Variants in JAK3 observed in about 807,000 individuals in gnomAD.
JAK3 encodes the protein Janus kinase 3.
JAK3 carries 88 observed loss-of-function variants against 120.8 expected under a neutral mutation model. The ratio of observed to expected loss-of-function variants is 0.73; its 90% confidence interval spans 0.61 to 0.87. JAK3 has a LOEUF of 0.87. JAK3 is among the 40% of genes least tolerant of loss of function. The pLI, the probability that JAK3 is intolerant of heterozygous loss-of-function variation, is 0.00. For missense variants in JAK3, 1,254 were observed against 1,501.4 expected (o/e 0.84, Z 2.72); for synonymous variants, 592 against 628.6 (o/e 0.94, Z 0.87).
chr19:17,840,146 A>C, intron 9 of JAK3, 84 bp downstream of exon 9: 1 of 931,394 alleles, frequency 1.1e-6, no homozygotes, highest in Non-Finnish European at 1.7e-6. Flanking sequence ...TCAGGAACCA[A>C]ATGCTGACTG....
At chr19:17,844,127 G>T in intron 2 of JAK3, 107 bp downstream of exon 2, 1 of 1,316,290 alleles carries the variant, frequency 7.6e-7, no homozygotes, top group Non-Finnish European at 1.1e-6. Context: ...ATCCCCCAAA[G>T]CCCCAGCTCC....
intron 9 of JAK3, 59 bp from the exon 10 acceptor site, chr19:17,839,722 C>A: frequency 7.9e-7 from 1 of 1,272,918 alleles, no homozygotes; most frequent in Non-Finnish European, 1.1e-6. Context: ...CTTCTCAGTC[C>A]TTCTTCCTTT....
At chr19:17,838,167 C>T (rs151146138) in intron 11 of JAK3, 96 bp downstream of exon 11, 112 of 1,612,058 alleles carry the variant, frequency 6.9e-5, no homozygotes, top group Non-Finnish European at 9.1e-5. Flanking sequence ...ATGGGAAAAC[C>T]GAGGCAAGGT....
chr19:17,826,699 C>G lies in JAK3; in HGVS notation c.*44G>C. On this transcript the variant is annotated 3_prime_UTR_variant, in exon 24 of 24. Transcript: ENST00000458235. ...GGGCAGCTCCGGGCCTAAGGTCACACAGCCAGTCAACAGAGACCTAATCCA... is the reference window on the plus strand; with the variant it reads ...GGGCAGCTCCGGGCCTAAGGTCACAGAGCCAGTCAACAGAGACCTAATCCA... The G allele has an allele frequency of 6.2e-7, 1 of 1,610,272 alleles. No individual in the cohort carries two copies. The highest frequency in any genetic ancestry group is 8.5e-7 in the Non-Finnish European group (1 of 1,176,572).
chr19:17,835,847 C>G lies in JAK3; in HGVS notation c.1914+77G>C, dbSNP rs114041869. On this transcript the variant is annotated intron_variant, in intron 14 of 23. Transcript: ENST00000458235. ...CCAAACTCCTATGCATACTACAGAGCCCACTCCCAATTCCTCTTCCACCCA... is the reference window on the plus strand; with the variant it reads ...CCAAACTCCTATGCATACTACAGAGGCCACTCCCAATTCCTCTTCCACCCA... 7.3e-4 allele frequency: 1,150 copies of G among 1,586,194 alleles called. 8 individuals carry two copies. The African/African-American group carries it at 0.014, about 19-fold the overall frequency.
rs2094211312 is a variant in JAK3, at chr19:17,830,234, A to G, written c.3097-16T>C. On this transcript the variant is annotated splice_polypyrimidine_tract_variant and intron_variant, in intron 22 of 23. Coordinates refer to ENST00000458235, the MANE Select transcript of JAK3 (RefSeq NM_000215.4). ...GCAGGAACTCCTGGAGCCAAGGAGG[A>G]GCGCATGTGGTGGGGGAGGAGCCTC... The G allele has an allele frequency of 6.7e-7, 1 of 1,496,564 alleles. No individual in the cohort carries two copies. Among genetic ancestry groups the G allele is most frequent in the Non-Finnish European group, 9.0e-7 (1 of 1,112,350 alleles). 92.7% of individuals were successfully genotyped at this position (1,496,564 alleles called of 1,614,324 possible). A position where few individuals can be genotyped will look rare whatever the true frequency, so the allele number is the denominator to read the frequency against.
At chr19:17,838,562 T>G (rs1471058879) in intron 10 of JAK3, among the ~76,000 whole-genome samples, 172 bp from the exon 11 acceptor site, 1 of 152,162 alleles carries the variant, frequency 6.6e-6, no homozygotes, top group Admixed American at 6.6e-5. Context: ...CTGCTGCTGT[T>G]GAGACGGAGT....
In JAK3 at chr19:17,831,586, T is replaced by C. The variant is rs1308024283; in HGVS notation, c.2805+88A>G. 6 of 1,524,648 alleles carry C rather than the reference T, an allele frequency of 3.9e-6. No individual in the cohort carries two copies. The highest frequency in any genetic ancestry group is 5.3e-6 in the Non-Finnish European group (6 of 1,137,288). The allele number at this position is 1,524,648 out of a possible 1,614,324, so 94.4% of individuals were successfully genotyped here. The stretch of plus-strand genomic sequence containing the variant: ...TCCCGAGACCTGGACCCCAAACCAC[T>C]CCTCAGCCTTCACCGCGACCTCCAA... On this transcript the variant is annotated intron_variant, in intron 20 of 23. Coordinates refer to ENST00000458235, the MANE Select transcript of JAK3 (RefSeq NM_000215.4). The surrounding 1 kb of genome is among the most constrained non-coding windows in gnomAD (Gnocchi z 5.1).
At chr19:17,836,803 G>T in intron 13 of JAK3, 1 of 475,916 alleles carries the variant, frequency 2.1e-6, no homozygotes, top group Non-Finnish European at 3.9e-6. Context: ...TCTAGGCTCT[G>T]TCCCAGCTCC....
Position 17,838,410 on chromosome 19 carries a change from G to C in JAK3, c.1442-20C>G, listed in dbSNP as rs1373834246. ...ACTTTTCTATGGGGAGAGGATGAGG[G>C]AGAAAAACCAGAAATCAGAGGTGAA... On this transcript the variant is annotated intron_variant, in intron 10 of 23. Coordinates refer to ENST00000458235, the MANE Select transcript of JAK3 (RefSeq NM_000215.4). The C allele has an allele frequency of 6.2e-7, 1 of 1,614,120 alleles. No homozygotes were observed. Among genetic ancestry groups the C allele is most frequent in the East Asian group, 2.2e-5 (1 of 44,876 alleles).
At chr19:17,829,976 G>A in intron 23 of JAK3, 132 bp downstream of exon 23, 1 of 725,272 alleles carries the variant, frequency 1.4e-6, no homozygotes, top group South Asian at 1.5e-5. Flanking sequence ...AGCCAAGTGG[G>A]GGCCAGGATC....
At chr19:17,827,602 C>T (rs2094206171) in intron 23 of JAK3, among the ~76,000 whole-genome samples, 1 of 151,618 alleles carries the variant, frequency 6.6e-6, no homozygotes, top group African/African-American at 2.4e-5. Context: ...CCACCTCGGC[C>T]TCCTAAAGGG....
At position 17,842,970 on chromosome 19, in the gene JAK3, G is replaced by A; in HGVS notation, c.566+57C>T. The A allele has an allele frequency of 6.2e-7, 1 of 1,600,978 alleles. No homozygotes were observed. Among genetic ancestry groups the A allele is most frequent in the East Asian group, 2.2e-5 (1 of 44,832 alleles). ...GTGGGAGCCCGGCAAAGCCCCGATG[G>A]AGCCCACGTTGCTCACTCCCAAGCA... On this transcript the variant is annotated intron_variant, in intron 5 of 23. Coordinates refer to ENST00000458235, the MANE Select transcript of JAK3 (RefSeq NM_000215.4). The surrounding 1 kb of genome is among the most constrained non-coding windows in gnomAD (Gnocchi z 6.4).
Position 17,839,738 on chromosome 19 carries a change from C to CTCTT in JAK3, c.1255-76_1255-75insAAGA, listed in dbSNP as rs538322656. On this transcript the variant is annotated intron_variant, in intron 9 of 23. Coordinates refer to ENST00000458235, the MANE Select transcript of JAK3 (RefSeq NM_000215.4). ...TTCTCAGTCCTTCTTCCTTTTTTTTCTTTTTTTTTTTTTTTTTTTGGAGAC... is the reference window on the plus strand; with the variant it reads ...TTCTCAGTCCTTCTTCCTTTTTTTTCTCTTTTTTTTTTTTTTTTTTTTTGGAGAC... 290 of 795,904 alleles carry CTCTT rather than the reference C, an allele frequency of 3.6e-4. 6 individuals are homozygous for CTCTT. In the African/African-American group the frequency reaches 4.5e-3, roughly 12 times the overall value. The allele number at this position is 795,904 out of a possible 1,614,324, so 49.3% of individuals were successfully genotyped here. A position where few individuals can be genotyped will look rare whatever the true frequency, so the allele number is the denominator to read the frequency against.
rs563502280 is a variant in JAK3 at position 17,832,133 on chromosome 19, G to T, written c.2681-335C>A. On this transcript the variant is annotated intron_variant, in intron 19 of 23. Transcript: ENST00000458235. This position sits in a 1 kb window ranked among gnomAD's most constrained non-coding sequence, Gnocchi z 4.7. ...AAAAATTAGCCGGGTGTGGTGGCACGCTCCTGTAATCCCAGCTACTCTGGA... is the reference window on the plus strand; with the variant it reads ...AAAAATTAGCCGGGTGTGGTGGCACTCTCCTGTAATCCCAGCTACTCTGGA... Among the ~76,000 whole-genome samples, 1 of 152,066 alleles carries T rather than the reference G, an allele frequency of 6.6e-6. No homozygotes were observed. The highest frequency in any genetic ancestry group is 2.1e-4 in the South Asian group (1 of 4,814).
In JAK3 at chr19:17,842,202, C is replaced by G; in HGVS notation, c.861+114G>C. 8.5e-7 allele frequency: 1 copy of G among 1,181,430 alleles called. No individual in the cohort carries two copies. Among genetic ancestry groups the G allele is most frequent in the Non-Finnish European group, 1.2e-6 (1 of 867,994 alleles). 73.2% of individuals were successfully genotyped at this position (1,181,430 alleles called of 1,614,324 possible). A position where few individuals can be genotyped will look rare whatever the true frequency, so the allele number is the denominator to read the frequency against. On this transcript the variant is annotated intron_variant, in intron 6 of 23. Coordinates refer to ENST00000458235, the MANE Select transcript of JAK3 (RefSeq NM_000215.4). This position sits in a 1 kb window ranked among gnomAD's most constrained non-coding sequence, Gnocchi z 6.4. Reference sequence around the variant, plus strand: ...AGCCCCGCCCCTCATTAAGCCTCGCCCACTTCCCCAAGTCTTTCGTTTTGG... The same window carrying G: ...AGCCCCGCCCCTCATTAAGCCTCGCGCACTTCCCCAAGTCTTTCGTTTTGG...
intron 22 of JAK3, 73 bp downstream of exon 22, chr19:17,830,430 C>A: frequency 8.1e-7 from 1 of 1,240,968 alleles, no homozygotes; most frequent in South Asian, 1.3e-5. Flanking sequence ...GACGCAGGCG[C>A]AGACAGGTTG....
rs752415312 is a variant in JAK3 at position 17,841,773 on chromosome 19, G to T, written c.862-11C>A. On this transcript the variant is annotated splice_polypyrimidine_tract_variant and intron_variant, in intron 6 of 23. Transcript: ENST00000458235. This position sits in a 1 kb window ranked among gnomAD's most constrained non-coding sequence, Gnocchi z 4.1. ...GAAGGGCTGGAGGACCTGGGAAGGA[G>T]GGGGAGTACCGAAGTGGGGGCCCAG... 6.2e-7 allele frequency: 1 copy of T among 1,602,336 alleles called. No homozygotes were observed. Among genetic ancestry groups the T allele is most frequent in the Non-Finnish European group, 8.5e-7 (1 of 1,179,844 alleles).
intron 13 of JAK3, 199 bp downstream of exon 13, chr19:17,836,930 G>A (rs2094225381): frequency 2.9e-6 from 2 of 686,842 alleles, no homozygotes; most frequent in Non-Finnish European, 5.3e-6. Context: ...TTCTGGGGCT[G>A]GATATGGGTG....
Sources: gnomAD v4.1 joint callset for allele counts (sites outside exome capture counted in the v4.1 genomes callset) on GRCh38, gnomAD v4.1.1 for gene constraint, Gnocchi (gnomAD v3.1) non-coding constraint, MANE v1.5 for transcripts, NCBI Gene and HGNC (gene_info 2026-07-23, HGNC 2026-07-21) for gene names.